The following MCUR1 variants were observed in gnomAD, a reference collection of about 807,000 sequenced individuals.
MCUR1 encodes the protein mitochondrial calcium uniporter regulator 1, also known as MCU regulator 1.
A neutral mutation model predicts 42.0 loss-of-function variants in MCUR1; 37 were observed. The ratio of observed to expected loss-of-function variants is 0.88; its 90% CI spans 0.68 to 1.16. The LOEUF is 1.16. Ranked by LOEUF, MCUR1 falls within the 50% of genes most tolerant of loss-of-function variation. The probability of loss-of-function intolerance (pLI) is 0.00; values close to 1 mark genes in which losing one functional copy is unlikely to be tolerated. For synonymous variants in MCUR1, 229 were observed against 196.2 expected, an observed-to-expected ratio of 1.17 and a Z score of -1.40; for missense variants, 469 against 468.4, an observed-to-expected ratio of 1.00 and a Z score of -0.01.
chr6:13,799,641 C>T (rs1759944467), intron 5 of MCUR1, among the ~76,000 whole-genome samples: 2 of 152,040 alleles, frequency 1.3e-5, no homozygotes, highest in African/African-American at 4.8e-5. Flanking sequence ...CATATCAAAG[C>T]CTTTTTTTCT....
chr6:13,801,332 T>C lies in MCUR1; in HGVS notation c.697A>G (p.Ile233Val), dbSNP rs765452569. Residue 233 changes from isoleucine to valine, a missense_variant, in exon 4 of 9, where the codon ATT becomes GTT. Coordinates refer to ENST00000379170, the MANE Select transcript of MCUR1 (RefSeq NM_001031713.4). ...GCTGAAAATTCACTCTTCTCCAAAATAATCATATCCTTTTTCACATTCGCA... is the reference window on the plus strand; with the variant it reads ...GCTGAAAATTCACTCTTCTCCAAAACAATCATATCCTTTTTCACATTCGCA... ...QIANVKKDMI[I>V]LEKSEFSALR... 2 of 1,613,328 alleles carry C rather than the reference T, an allele frequency of 1.2e-6. No homozygotes were observed. Among genetic ancestry groups the C allele is most frequent in the South Asian group, 2.2e-5 (2 of 91,044 alleles).
intron 6 of MCUR1, among the ~76,000 whole-genome samples, chr6:13,797,918 G>A (rs1263879422): frequency 6.6e-6 from 1 of 151,692 alleles, no homozygotes; most frequent in African/African-American, 2.4e-5. Context: ...AGCTACTCGG[G>A]AGGCTGAGGC....
At chr6:13,793,415 T>C (rs1361870153) in intron 7 of MCUR1, among the ~76,000 whole-genome samples, 2 of 152,132 alleles carry the variant, frequency 1.3e-5, no homozygotes, top group Non-Finnish European at 2.9e-5. Flanking sequence ...ATACATATAA[T>C]GGAATACTAA....
chr6:13,789,419 G>A lies in MCUR1; in HGVS notation c.*1390C>T, dbSNP rs1186857359. 2 of 151,694 alleles carry A rather than the reference G, an allele frequency of 1.3e-5. No homozygotes were observed. Among genetic ancestry groups the A allele is most frequent in the Non-Finnish European group, 2.9e-5 (2 of 67,980 alleles). The allele number at this position is 151,694 out of a possible 1,614,324, so 9.4% of individuals were successfully genotyped here. A position where few individuals can be genotyped will look rare whatever the true frequency, so the allele number is the denominator to read the frequency against. On this transcript the variant is annotated 3_prime_UTR_variant, in exon 9 of 9. Coordinates refer to ENST00000379170, the MANE Select transcript of MCUR1 (RefSeq NM_001031713.4). The stretch of plus-strand genomic sequence containing the variant: ...CGTCTCAAAAAAAAAAAAAAGGTGA[G>A]AATGTGCTTTTCCAGAATAACCCCA...
chr6:13,797,601 T>A (rs944528535), intron 6 of MCUR1, among the ~76,000 whole-genome samples: 3 of 151,842 alleles, frequency 2.0e-5, no homozygotes, highest in African/African-American at 7.3e-5. Context: ...CCAGCTACTC[T>A]GGAGGCTGAG....
chr6:13,798,546 T>C (rs1041949066), intron 6 of MCUR1, among the ~76,000 whole-genome samples: 13 of 152,190 alleles, frequency 8.5e-5, no homozygotes, highest in Non-Finnish European at 1.6e-4. Flanking sequence ...TAGATCAAGA[T>C]TGCATTTAAT....
intron 8 of MCUR1, 137 bp from the exon 9 acceptor site, chr6:13,791,001 C>A: frequency 1.7e-6 from 1 of 573,818 alleles, no homozygotes; most frequent in South Asian, 2.2e-5. Flanking sequence ...CCGTGAAACG[C>A]CTGCCTACTG....
At chr6:13,794,133 CAT>C (rs926415244) in intron 6 of MCUR1, among the ~76,000 whole-genome samples, 186 bp from the exon 7 acceptor site, 40 of 149,542 alleles carry the variant, frequency 2.7e-4, no homozygotes, top group African/African-American at 8.6e-4. Flanking sequence ...TTTTTTTTTC[CAT>C]AGAGATGGGG....
In MCUR1 at chr6:13,804,556, C is replaced by T. The variant is rs547835658; in HGVS notation, c.536-2210G>A. ...TTGGGAGGCCGAGGCGGGCGGATCA[C>T]GAGGTCAGGAGATCGAGACCATCCT... On this transcript the variant is annotated intron_variant, in intron 2 of 8. Transcript: ENST00000379170. Among the ~76,000 whole-genome samples the T allele has an allele frequency of 4.0e-5, 6 of 151,262 alleles. No individual in the cohort carries two copies. The South Asian group carries it at 1.2e-3, about 31-fold the overall frequency.
intron 1 of MCUR1, among the ~76,000 whole-genome samples, chr6:13,808,265 T>C (rs1185724100): frequency 1.3e-5 from 2 of 152,228 alleles, no homozygotes; most frequent in Admixed American, 6.5e-5. Context: ...CTCTTTTCTT[T>C]ATAAAGTACC....
rs1038117131 is a variant in MCUR1 at position 13,798,968 on chromosome 6, A to C, written c.784-64T>G. 46 of 975,860 alleles carry C rather than the reference A, an allele frequency of 4.7e-5. No individual in the cohort carries two copies. The African/African-American group carries it at 7.2e-4, about 15-fold the overall frequency. 60.5% of individuals were successfully genotyped at this position (975,860 alleles called of 1,614,324 possible). ...AGTAAGAAACCCAAACTCTATGAGG[A>C]CGTGACACTGGGACCACTGCCCCCA... is the stretch of plus-strand genomic sequence containing the variant. On this transcript the variant is annotated intron_variant, in intron 5 of 8. Transcript: ENST00000379170.
At position 13,791,865 on chromosome 6, in the gene MCUR1, C is replaced by G. The variant is rs777213527; in HGVS notation, c.1024+13G>C. 51 of 1,577,986 alleles carry G rather than the reference C, an allele frequency of 3.2e-5. No individual in the cohort carries two copies. The highest frequency in any genetic ancestry group is 4.2e-5 in the Non-Finnish European group (48 of 1,151,364). ...CTTTTCAGGTTGATTTAAATAGATA[C>G]AAAATAGCTTACCTGCTAAATATTT... On this transcript the variant is annotated intron_variant, in intron 8 of 8. Coordinates refer to ENST00000379170, the MANE Select transcript of MCUR1 (RefSeq NM_001031713.4).
At chr6:13,807,155 G>A in intron 1 of MCUR1, 111 bp from the exon 2 acceptor site, 2 of 1,188,874 alleles carry the variant, frequency 1.7e-6, no homozygotes, top group Non-Finnish European at 2.3e-6. Flanking sequence ...CTTTATAACA[G>A]CTTCGTTGAG....
chr6:13,790,565 C>T lies in MCUR1; in HGVS notation c.*244G>A. On this transcript the variant is annotated 3_prime_UTR_variant, in exon 9 of 9. Coordinates refer to ENST00000379170, the MANE Select transcript of MCUR1 (RefSeq NM_001031713.4). ...ACAAGCTCCGCCTCCCAGGTTCACA[C>T]CTTAGCCTCCCGAGTAGCTGGGACT... is the stretch of plus-strand genomic sequence containing the variant. The T allele has an allele frequency of 3.7e-6, 1 of 273,148 alleles. No homozygotes were observed. The highest frequency in any genetic ancestry group is 2.3e-5 in the African/African-American group (1 of 43,542). 16.9% of individuals were successfully genotyped at this position (273,148 alleles called of 1,614,324 possible).
chr6:13,793,768 C>T (rs946693898), intron 7 of MCUR1, 126 bp downstream of exon 7: 5 of 764,514 alleles, frequency 6.5e-6, no homozygotes, highest in Non-Finnish European at 1.1e-5. Flanking sequence ...TATTTTAGCA[C>T]AATGTAAAAA....
intron 2 of MCUR1, among the ~76,000 whole-genome samples, chr6:13,804,513 G>A (rs972400952): frequency 7.9e-5 from 12 of 151,730 alleles, no homozygotes; most frequent in Non-Finnish European, 1.8e-4. Context: ...GGTGGCTCAC[G>A]CCTGTAATCC....
chr6:13,793,927 C>T lies in MCUR1; in HGVS notation c.876G>A (p.Lys292=), dbSNP rs1422124705. The change falls in exon 7 of 9, where the codon AAG becomes AAA. Residue 292 remains lysine (K), a synonymous_variant. Transcript: ENST00000379170. ...VKELYSLNEK[K]LLELRTEIVA... is the part of the protein sequence containing the mutation. The stretch of plus-strand genomic sequence containing the variant: ...CTATTTCTGTTCTCAATTCCAGCAG[C>T]TTCTTTTCGTTCAATGAATACTGAA... 4 of 1,613,742 alleles carry T rather than the reference C, an allele frequency of 2.5e-6. No homozygotes were observed. Among genetic ancestry groups the T allele is most frequent in the Non-Finnish European group, 3.4e-6 (4 of 1,179,996 alleles).
chr6:13,808,429 T>G (rs1469559617), intron 1 of MCUR1, among the ~76,000 whole-genome samples: 1 of 152,204 alleles, frequency 6.6e-6, no homozygotes, highest in African/African-American at 2.4e-5. Flanking sequence ...GAAAATATTT[T>G]CTCCCATTCT....
rs1409012587 is a variant in MCUR1, at chr6:13,788,973, GACA to G, written c.*1833_*1835del. ...TTTTTACCAATGTGGTTGGAACAGT[GACA>G]ACGAGCAATGTATTCACCAAACTGA... On this transcript the variant is annotated 3_prime_UTR_variant, in exon 9 of 9. Transcript: ENST00000379170. 2 of 152,186 alleles carry G rather than the reference GACA, an allele frequency of 1.3e-5. No homozygotes were observed. The highest frequency in any genetic ancestry group is 2.4e-5 in the African/African-American group (1 of 41,436). The allele number at this position is 152,186 out of a possible 1,614,324, so 9.4% of individuals were successfully genotyped here.
Sources: gnomAD v4.1 joint callset for allele counts (sites outside exome capture counted in the v4.1 genomes callset) on GRCh38, gnomAD v4.1.1 for gene constraint, MANE v1.5 for transcripts, NCBI Gene and HGNC (gene_info 2026-07-23, HGNC 2026-07-21) for gene names.